CECR2: variants seen among roughly 807,000 people sequenced by gnomAD.
CECR2 encodes CECR2 histone acetyl-lysine reader.
CECR2 carries 30 observed loss-of-function variants against 154.5 expected under a neutral mutation model. The observed-to-expected ratio is 0.19, with a 90% CI of 0.15 to 0.26. The LOEUF is 0.26. Among genes scored for constraint, CECR2 ranks in the 10% least tolerant of loss-of-function variants. The probability of loss-of-function intolerance (pLI) is 1.00; values close to 1 mark genes in which losing one functional copy is unlikely to be tolerated. For synonymous variants in CECR2, 725 were observed against 683.7 expected, an observed-to-expected ratio of 1.06 and a Z score of -0.94; for missense variants, 1,743 against 1,829.3, an observed-to-expected ratio of 0.95 and a Z score of 0.86.
chr22:17,449,845 A>T (rs542032305), intron 1 of CECR2, among the ~76,000 whole-genome samples: 49 of 152,270 alleles, frequency 3.2e-4, no homozygotes, highest in African/African-American at 1.1e-3. Flanking sequence ...GTGTCTGGAC[A>T]CTTGCAATGG....
At chr22:17,512,642 G>A (rs1292691588) in intron 8 of CECR2, among the ~76,000 whole-genome samples, 1 of 150,008 alleles carries the variant, frequency 6.7e-6, no homozygotes, top group Admixed American at 6.7e-5. Flanking sequence ...GGCGGAGGTT[G>A]CAGTGAGCTA....
rs1393815499 is a variant in CECR2, at chr22:17,552,895, G to C, written c.*55G>C. 1.4e-5 allele frequency: 22 copies of C among 1,543,880 alleles called. No homozygotes were observed. The highest frequency in any genetic ancestry group is 1.8e-5 in the Non-Finnish European group (21 of 1,143,534). On this transcript the variant is annotated 3_prime_UTR_variant, in exon 19 of 19. Coordinates refer to ENST00000262608, the MANE Select transcript of CECR2 (RefSeq NM_001290047.2). ...GAAAGCTGCACACGAAGACTGGAAT[G>C]TGGAGAACTGGGGAGTGCCCTGTCA...
Position 17,548,403 on chromosome 22 carries a change from G to C in CECR2, c.3116G>C (p.Cys1039Ser). 1 of 1,613,948 alleles carries C rather than the reference G, an allele frequency of 6.2e-7. No individual in the cohort carries two copies. Among genetic ancestry groups the C allele is most frequent in the African/African-American group, 1.3e-5 (1 of 75,068 alleles). Residue 1039 changes from cysteine to serine, a missense_variant, in exon 17 of 19, where the codon TGC (cysteine) becomes TCC (serine). Physicochemically the swap from Cys to Ser is moderately radical, Grantham distance 112. This residue lies in a region of CECR2 where 1,250 missense variants were observed against 1,192.1 expected (regional missense o/e 1.05). Coordinates refer to ENST00000262608, the MANE Select transcript of CECR2 (RefSeq NM_001290047.2). Reference protein sequence around the residue: ...SSYPGPAAQGCVRDLSTVADR... With the variant: ...SSYPGPAAQGSVRDLSTVADR... Reference sequence around the variant, plus strand: ...TACCCCGGCCCAGCCGCCCAAGGGTGCGTGAGAGACCTCTCCACGGTGGCA... The same window carrying C: ...TACCCCGGCCCAGCCGCCCAAGGGTCCGTGAGAGACCTCTCCACGGTGGCA...
chr22:17,477,641 T>G lies in CECR2; in HGVS notation c.180T>G (p.Ile60Met). The change falls in exon 2 of 19, where the codon ATT becomes ATG. Residue 60 changes from isoleucine to methionine, a missense_variant. Physicochemically the swap from Ile to Met is conservative, Grantham distance 10. Transcript: ENST00000262608. ...ACGTGGAGTTTATCAGTGACCTGAT[T>G]GCCTGCCTGCTTCAGGGCTGCTATC... ...RDDVEFISDL[I>M]ACLLQGCYQR... The G allele has an allele frequency of 6.2e-7, 1 of 1,613,144 alleles. No homozygotes were observed. The highest frequency in any genetic ancestry group is 8.5e-7 in the Non-Finnish European group (1 of 1,179,122).
At chr22:17,399,181 A>G (rs896086008) in intron 1 of CECR2, among the ~76,000 whole-genome samples, 6 of 152,120 alleles carry the variant, frequency 3.9e-5, no homozygotes, top group African/African-American at 1.4e-4. Context: ...GGTATAGTAA[A>G]AGGCTCAGGA....
At chr22:17,446,299 C>T (rs758076148) in intron 1 of CECR2, among the ~76,000 whole-genome samples, 2 of 152,134 alleles carry the variant, frequency 1.3e-5, no homozygotes, top group Non-Finnish European at 2.9e-5. Context: ...TTGAGTGAGC[C>T]TAGGAGCTAT....
chr22:17,425,553 A>C (rs939005694), intron 1 of CECR2, among the ~76,000 whole-genome samples: 17 of 152,226 alleles, frequency 1.1e-4, no homozygotes, highest in African/African-American at 4.1e-4. Context: ...CACACTGAGC[A>C]AATACATCTA....
intron 1 of CECR2, among the ~76,000 whole-genome samples, chr22:17,474,667 C>T (rs1226623513): frequency 2.0e-5 from 3 of 152,164 alleles, no homozygotes; most frequent in Non-Finnish European, 2.9e-5. Flanking sequence ...GTCTGTGTGC[C>T]GAAGGCGGAG....
chr22:17,443,866 A>G (rs1444824668), intron 1 of CECR2, among the ~76,000 whole-genome samples: 1 of 152,196 alleles, frequency 6.6e-6, no homozygotes, highest in African/African-American at 2.4e-5. Flanking sequence ...ACGGAGATTC[A>G]GACTGGGAAA....
intron 1 of CECR2, among the ~76,000 whole-genome samples, chr22:17,385,975 G>A (rs2063255499): frequency 1.3e-5 from 2 of 152,212 alleles, no homozygotes; most frequent in Admixed American, 1.3e-4. Context: ...GGCTGCGAAT[G>A]ATGGAATAAC....
chr22:17,500,959 G>A (rs968704022), intron 5 of CECR2, among the ~76,000 whole-genome samples: 1 of 152,126 alleles, frequency 6.6e-6, no homozygotes, highest in Non-Finnish European at 1.5e-5. Flanking sequence ...CTTACTAGAC[G>A]ATGGATGTGC....
intron 16 of CECR2, among the ~76,000 whole-genome samples, chr22:17,546,689 T>TACC (rs1569157062): frequency 6.6e-6 from 1 of 152,054 alleles, no homozygotes; most frequent in Non-Finnish European, 1.5e-5. Context: ...TCAGATCTGT[T>TACC]ACCAGGATGG....
intron 1 of CECR2, among the ~76,000 whole-genome samples, chr22:17,377,471 C>G (rs1428245176): frequency 6.6e-6 from 1 of 151,750 alleles, no homozygotes; most frequent in Non-Finnish European, 1.5e-5. Context: ...CTATGTTACC[C>G]AGGCTGGATT....
chr22:17,476,129 C>G (rs1162023057), intron 1 of CECR2, among the ~76,000 whole-genome samples: 1 of 150,248 alleles, frequency 6.7e-6, no homozygotes, highest in Non-Finnish European at 1.5e-5. Context: ...TGCACCTGGT[C>G]ATGCCCTGCC....
At chr22:17,480,552 A>G (rs2055292107) in intron 2 of CECR2, among the ~76,000 whole-genome samples, 1 of 152,148 alleles carries the variant, frequency 6.6e-6, no homozygotes, top group Admixed American at 6.6e-5. Context: ...AAGAAAGAAC[A>G]CTACAATCTA....
At position 17,414,003 on chromosome 22, in the gene CECR2, T is replaced by C. The variant is rs189566819; in HGVS notation, c.126+44094T>C. On this transcript the variant is annotated intron_variant, in intron 1 of 18. Coordinates refer to ENST00000262608, the MANE Select transcript of CECR2 (RefSeq NM_001290047.2). ...ATTATTATTTTTTGAGACGGAGTCTTGCTCTGTCACCCAGGCTGGAGTGTG... is the reference window on the plus strand; with the variant it reads ...ATTATTATTTTTTGAGACGGAGTCTCGCTCTGTCACCCAGGCTGGAGTGTG... 4.2e-4 allele frequency among the ~76,000 whole-genome samples: 62 copies of C among 147,498 alleles called. No homozygotes were observed. In the South Asian group the frequency reaches 0.01, roughly 24 times the overall value.
chr22:17,410,256 G>C (rs1268763252), intron 1 of CECR2, among the ~76,000 whole-genome samples: 1 of 152,066 alleles, frequency 6.6e-6, no homozygotes, highest in South Asian at 2.1e-4. Flanking sequence ...TGGGATTACA[G>C]ACGTGAGCCA....
At chr22:17,418,386 C>T (rs1237133597) in intron 1 of CECR2, among the ~76,000 whole-genome samples, 3 of 152,200 alleles carry the variant, frequency 2.0e-5, no homozygotes, top group South Asian at 2.1e-4. Flanking sequence ...GGTTCATTTT[C>T]GTTCTGTTGA....
At chr22:17,483,080 G>A (rs967408004) in intron 2 of CECR2, among the ~76,000 whole-genome samples, 3 of 152,330 alleles carry the variant, frequency 2.0e-5, no homozygotes, top group Non-Finnish European at 2.9e-5. Flanking sequence ...TGACAGCACC[G>A]TGCATGTTAC....
Sources: gnomAD v4.1 joint callset for allele counts (sites outside exome capture counted in the v4.1 genomes callset) on GRCh38, gnomAD v4.1.1 for gene constraint, gnomAD v4.1.1 regional missense constraint, MANE v1.5 for transcripts, NCBI Gene and HGNC (gene_info 2026-07-23, HGNC 2026-07-21) for gene names.